FAM13C: variants seen among roughly 807,000 people sequenced by gnomAD.
FAM13C encodes the protein family with sequence similarity 13 member C, also known as protein FAM13C.
Under a neutral mutation model 73.2 loss-of-function variants are expected in FAM13C, and 37 were observed. That is an observed-to-expected ratio of 0.51 (90% CI 0.39 to 0.67). FAM13C has a LOEUF of 0.67. Among genes scored for constraint, FAM13C ranks in the 30% least tolerant of loss-of-function variants. FAM13C has a pLI of 0.00. For synonymous variants in FAM13C, 246 were observed against 260.9 expected (o/e 0.94, Z 0.55); for missense variants, 589 against 715.6 (o/e 0.82, Z 2.02).
intron 3 of FAM13C, among the ~76,000 whole-genome samples, chr10:59,344,481 A>G (rs1854026587): frequency 6.8e-6 from 1 of 147,976 alleles, no homozygotes; most frequent in Admixed American, 6.7e-5. Flanking sequence ...ACGGGGTTTC[A>G]CCATGTTAGC....
At position 59,247,401 on chromosome 10, in the gene FAM13C, C is replaced by G. The variant is rs1350354140; in HGVS notation, c.*213G>C. Reference sequence around the variant, plus strand: ...TGGCATGGAGGACACTGAATTTTTTCCCAATTATATGGCTACCTGTTGTAT... The same window carrying G: ...TGGCATGGAGGACACTGAATTTTTTGCCAATTATATGGCTACCTGTTGTAT... On this transcript the variant is annotated 3_prime_UTR_variant, in exon 14 of 14. Transcript: ENST00000618804. 1 of 538,084 alleles carries G rather than the reference C, an allele frequency of 1.9e-6. No homozygotes were observed. The highest frequency in any genetic ancestry group is 3.2e-6 in the Non-Finnish European group (1 of 311,698). 33.3% of individuals were successfully genotyped at this position (538,084 alleles called of 1,614,324 possible). A position where few individuals can be genotyped will look rare whatever the true frequency, so the allele number is the denominator to read the frequency against.
At chr10:59,298,234 G>A (rs1652865637) in intron 5 of FAM13C, among the ~76,000 whole-genome samples, 1 of 152,132 alleles carries the variant, frequency 6.6e-6, no homozygotes, top group Non-Finnish European at 1.5e-5. Context: ...CAAAGACAAG[G>A]GAAATAAGGA....
At chr10:59,348,818 T>C (rs1239345817) in intron 3 of FAM13C, among the ~76,000 whole-genome samples, 1 of 152,150 alleles carries the variant, frequency 6.6e-6, no homozygotes, top group Non-Finnish European at 1.5e-5. Flanking sequence ...GTATTTTTAA[T>C]AGAGATGGGG....
rs931531786 is a variant in FAM13C, at chr10:59,268,635, G to T, written c.860C>A (p.Thr287Asn). ...CGDGKEPQTI[T>N]QLTKHIQSLK... ...GCTCTGGATGTGCTTGGTGAGCTGG[G>T]TGATGGTCTGTGGCTCCTTGCCATC... The change falls in exon 8 of 14, where the codon ACC (threonine) becomes AAC (asparagine). Residue 287 changes from threonine to asparagine, a missense_variant. Thr to Asn is a moderately conservative substitution (Grantham distance 65). Transcript: ENST00000618804. 6.2e-7 allele frequency: 1 copy of T among 1,613,524 alleles called. No homozygotes were observed. Among genetic ancestry groups the T allele is most frequent in the Non-Finnish European group, 8.5e-7 (1 of 1,179,830 alleles).
rs146213543 is a variant in FAM13C, at chr10:59,327,937, G to A, written c.325-3831C>T. ...TGGTCAGATCCAAACTGACCAAGGG[G>A]ACTGAGGGAAGAAGCCAAAATCCTC... On this transcript the variant is annotated intron_variant, in intron 3 of 13. Coordinates refer to ENST00000618804, the MANE Select transcript of FAM13C (RefSeq NM_198215.4). Among the ~76,000 whole-genome samples, 5 of 152,272 alleles carry A rather than the reference G, an allele frequency of 3.3e-5. No homozygotes were observed. In the East Asian group the frequency reaches 9.7e-4, roughly 29 times the overall value.
chr10:59,251,281 T>C (rs1354398744), intron 13 of FAM13C: 1 of 410,380 alleles, frequency 2.4e-6, no homozygotes, highest in Non-Finnish European at 4.3e-6. Flanking sequence ...TTTTAAAGGT[T>C]TAAATAAATT....
intron 3 of FAM13C, among the ~76,000 whole-genome samples, chr10:59,344,158 T>G (rs540528970): frequency 6.6e-6 from 1 of 150,424 alleles, no homozygotes; most frequent in South Asian, 2.1e-4. Context: ...GAGATGGGGT[T>G]TCACCGTTTT....
At chr10:59,310,618 G>A (rs1848811834) in intron 4 of FAM13C, among the ~76,000 whole-genome samples, 2 of 151,928 alleles carry the variant, frequency 1.3e-5, no homozygotes, top group East Asian at 1.9e-4. Context: ...AGAGACTACT[G>A]AAAGAAAACA....
intron 3 of FAM13C, among the ~76,000 whole-genome samples, chr10:59,335,499 C>T (rs972636168): frequency 6.6e-6 from 1 of 152,158 alleles, no homozygotes; most frequent in African/African-American, 2.4e-5. Context: ...ATGTCTCTAA[C>T]CCAAAGGCTA....
At chr10:59,318,587 G>A (rs1037692965) in intron 4 of FAM13C, among the ~76,000 whole-genome samples, 1 of 152,134 alleles carries the variant, frequency 6.6e-6, no homozygotes, top group Non-Finnish European at 1.5e-5. Flanking sequence ...GGTCACCTGA[G>A]AGATGTGAGA....
At chr10:59,306,554 G>A (rs80158866) in intron 4 of FAM13C, among the ~76,000 whole-genome samples, 4,222 of 152,240 alleles carry the variant, frequency 0.028, 73 homozygotes, top group South Asian at 0.058. Context: ...AGCAAATCAA[G>A]CATCAGGGCA....
chr10:59,289,972 G>C (rs1270307015), intron 5 of FAM13C, among the ~76,000 whole-genome samples: 5 of 152,160 alleles, frequency 3.3e-5, no homozygotes, highest in Admixed American at 3.3e-4. Context: ...CAGGAAAATT[G>C]AGTAAGGGCT....
intron 4 of FAM13C, among the ~76,000 whole-genome samples, chr10:59,321,585 T>G (rs2134009508): frequency 6.6e-6 from 1 of 152,042 alleles, no homozygotes; most frequent in South Asian, 2.1e-4. Flanking sequence ...ACACAGAAAC[T>G]TGGGCAAACA....
At position 59,252,913 on chromosome 10, in the gene FAM13C, C is replaced by T. The variant is rs762459660; in HGVS notation, c.1418G>A (p.Gly473Asp). The change falls in exon 12 of 14, where the codon GGT becomes GAT. Residue 473 changes from glycine (G) to aspartate (D), a missense_variant. Transcript: ENST00000618804. ...LADPASHLPV[G>D]DHLTYSNETE... ...CTCATTAGAGTAGGTGAGGTGGTCA[C>T]CAACAGGAAGGTGAGATGCTGGATC... The T allele has an allele frequency of 6.2e-7, 1 of 1,613,966 alleles. No individual in the cohort carries two copies. Among genetic ancestry groups the T allele is most frequent in the African/African-American group, 1.3e-5 (1 of 74,878 alleles).
chr10:59,359,263 T>C (rs1256827484), intron 1 of FAM13C, among the ~76,000 whole-genome samples: 3 of 152,240 alleles, frequency 2.0e-5, no homozygotes, highest in African/African-American at 7.2e-5. Context: ...GGATTGTTTC[T>C]GCTCCACCAC....
intron 9 of FAM13C, chr10:59,263,782 A>T (rs1277876996): frequency 2.9e-6 from 1 of 347,696 alleles, no homozygotes; most frequent in Non-Finnish European, 5.5e-6. Context: ...TGTTTCTAAC[A>T]TCCAACAATC....
At chr10:59,307,629 T>C (rs1240209102) in intron 4 of FAM13C, among the ~76,000 whole-genome samples, 1 of 152,144 alleles carries the variant, frequency 6.6e-6, no homozygotes, top group African/African-American at 2.4e-5. Context: ...AAGCAGTGGA[T>C]AAAATAAAGT....
chr10:59,315,679 G>T (rs1353449977), intron 4 of FAM13C, among the ~76,000 whole-genome samples: 1 of 152,110 alleles, frequency 6.6e-6, no homozygotes, highest in Admixed American at 6.5e-5. Flanking sequence ...AGAGCCAGAA[G>T]CACTTTGCCC....
rs528862941 is a variant in FAM13C, at chr10:59,291,411, T to G, written c.508-7964A>C. Among the ~76,000 whole-genome samples the G allele has an allele frequency of 3.3e-4, 51 of 152,286 alleles. No homozygotes were observed. The South Asian group carries it at 9.7e-3, about 29-fold the overall frequency. On this transcript the variant is annotated intron_variant, in intron 5 of 13. Coordinates refer to ENST00000618804, the MANE Select transcript of FAM13C (RefSeq NM_198215.4). ...AGCGTCACTTGTGTCTGAGCATGGT[T>G]TGCAGCACAGCACACCTCAGCTCAG...
Sources: allele counts gnomAD v4.1 joint callset (sites outside exome capture counted in the v4.1 genomes callset), GRCh38; gene constraint gnomAD v4.1.1; transcripts MANE v1.5; gene names NCBI Gene and HGNC (gene_info 2026-07-23, HGNC 2026-07-21).